KCNIP4: variants seen among roughly 807,000 people sequenced by gnomAD.
KCNIP4 encodes the protein potassium voltage-gated channel interacting protein 4.
Under a neutral mutation model 34.0 loss-of-function variants are expected in KCNIP4, and 12 were observed. The ratio of observed to expected loss-of-function variants is 0.35; its 90% CI spans 0.23 to 0.57. KCNIP4 has a LOEUF of 0.57. Ranked by LOEUF, KCNIP4 falls within the 20% of genes least tolerant of loss-of-function variation. KCNIP4 has a pLI of 0.83. For missense variants in KCNIP4, 238 were observed against 311.7 expected (o/e 0.76, Z 1.78); for synonymous variants, 124 against 102.2 (o/e 1.21, Z -1.29).
intron 1 of KCNIP4, chr4:21,762,918 C>T (rs973867868): frequency 7.8e-7 from 1 of 1,287,918 alleles, no homozygotes; most frequent in Non-Finnish European, 1.0e-6. Context: ...GGGAAGGACT[C>T]ACATGATGAT....
intron 1 of KCNIP4, among the ~76,000 whole-genome samples, chr4:21,881,341 T>C (rs16872028): frequency 0.011 from 1,704 of 152,250 alleles, 30 homozygotes; most frequent in African/African-American, 0.038. Flanking sequence ...AATGTTAATA[T>C]GTTGGATTAT....
intron 1 of KCNIP4, among the ~76,000 whole-genome samples, chr4:21,389,935 C>G (rs971741116): frequency 6.6e-6 from 1 of 150,748 alleles, no homozygotes; most frequent in African/African-American, 2.4e-5. Context: ...AAAAGTGTTT[C>G]TATTTCTCCA....
chr4:21,931,805 T>G (rs972971874), intron 1 of KCNIP4, among the ~76,000 whole-genome samples: 5 of 152,120 alleles, frequency 3.3e-5, no homozygotes, highest in African/African-American at 9.7e-5. Context: ...GTAATGGGAT[T>G]GCTGGGTCAA....
chr4:21,053,638 T>C (rs558132418), intron 1 of KCNIP4, among the ~76,000 whole-genome samples: 1 of 152,282 alleles, frequency 6.6e-6, no homozygotes, highest in East Asian at 1.9e-4. Context: ...TAAAAACAAC[T>C]CCTGGAACTA....
intron 1 of KCNIP4, among the ~76,000 whole-genome samples, chr4:21,760,445 T>C (rs1356667425): frequency 4.5e-5 from 1 of 22,326 alleles, no homozygotes; most frequent in Admixed American, 2.2e-4. Flanking sequence ...TAGATACATG[T>C]TCATGTTTTT....
At chr4:21,649,362 A>T (rs988641237) in intron 1 of KCNIP4, among the ~76,000 whole-genome samples, 1 of 152,224 alleles carries the variant, frequency 6.6e-6, no homozygotes, top group African/African-American at 2.4e-5. Flanking sequence ...ACTCAACAAA[A>T]ACATGCTAAG....
intron 1 of KCNIP4, among the ~76,000 whole-genome samples, chr4:21,155,935 C>A (rs946795866): frequency 6.6e-6 from 1 of 152,122 alleles, no homozygotes; most frequent in Non-Finnish European, 1.5e-5. Context: ...TTCAACAGAA[C>A]AATTCATGCT....
intron 3 of KCNIP4, among the ~76,000 whole-genome samples, chr4:20,846,595 T>A (rs1271934066): frequency 6.6e-6 from 1 of 152,032 alleles, no homozygotes; most frequent in African/African-American, 2.4e-5. Context: ...CTAAACATCA[T>A]CCCAGTTAAC....
intron 1 of KCNIP4, among the ~76,000 whole-genome samples, chr4:21,296,423 G>A (rs1467564819): frequency 6.7e-6 from 1 of 149,560 alleles, no homozygotes; most frequent in African/African-American, 2.5e-5. Flanking sequence ...TTTTTTTGAT[G>A]GAAAGATGAT....
At chr4:21,653,311 G>A (rs1213053952) in intron 1 of KCNIP4, among the ~76,000 whole-genome samples, 2 of 152,028 alleles carry the variant, frequency 1.3e-5, no homozygotes, top group Non-Finnish European at 1.5e-5. Context: ...TCATCTTCAG[G>A]CATCAGCTTT....
At chr4:21,523,752 A>C (rs1735737285) in intron 1 of KCNIP4, among the ~76,000 whole-genome samples, 1 of 151,488 alleles carries the variant, frequency 6.6e-6, no homozygotes, top group Admixed American at 6.6e-5. Flanking sequence ...TTTTATTAAT[A>C]TTTTCAGACA....
intron 1 of KCNIP4, among the ~76,000 whole-genome samples, chr4:20,928,378 T>C (rs1730107675): frequency 1.3e-5 from 2 of 151,108 alleles, no homozygotes; most frequent in African/African-American, 2.4e-5. Context: ...GAATGACCAA[T>C]AAATTAAAGA....
chr4:21,430,967 A>T (rs929137939), intron 1 of KCNIP4, among the ~76,000 whole-genome samples: 2 of 152,148 alleles, frequency 1.3e-5, no homozygotes, highest in Non-Finnish European at 2.9e-5. Context: ...TTACAGAAAA[A>T]CTTCAAACAA....
At chr4:21,746,702 T>C (rs1340094905) in intron 1 of KCNIP4, among the ~76,000 whole-genome samples, 1 of 152,040 alleles carries the variant, frequency 6.6e-6, no homozygotes, top group Non-Finnish European at 1.5e-5. Context: ...TGAACCAATC[T>C]AAGGGCTCAC....
At chr4:21,229,198 C>T (rs979345557) in intron 1 of KCNIP4, among the ~76,000 whole-genome samples, 4 of 152,152 alleles carry the variant, frequency 2.6e-5, no homozygotes, top group South Asian at 4.1e-4. Flanking sequence ...CCCACTCATC[C>T]GTCTTCACAA....
chr4:20,919,469 C>A (rs552094765), intron 1 of KCNIP4, among the ~76,000 whole-genome samples: 1 of 150,984 alleles, frequency 6.6e-6, no homozygotes, highest in African/African-American at 2.4e-5. Context: ...TTCGGGAGGC[C>A]GAGGCGGGCA....
intron 1 of KCNIP4, among the ~76,000 whole-genome samples, chr4:21,099,021 G>A (rs779228604): frequency 5.9e-5 from 9 of 152,196 alleles, no homozygotes; most frequent in Non-Finnish European, 1.3e-4. Flanking sequence ...CTATTGGTGG[G>A]AGTGTAAATT....
At chr4:21,348,650 T>G (rs2109367246) in intron 1 of KCNIP4, among the ~76,000 whole-genome samples, 1 of 152,340 alleles carries the variant, frequency 6.6e-6, no homozygotes, top group East Asian at 1.9e-4. Flanking sequence ...AGAAGCCCAT[T>G]AAGTTATTTA....
At chr4:20,739,796 G>A (rs182100811) in intron 5 of KCNIP4, among the ~76,000 whole-genome samples, 61 of 152,254 alleles carry the variant, frequency 4.0e-4, no homozygotes, top group East Asian at 3.9e-4. Flanking sequence ...AAACTTCTCC[G>A]AACTAAAGGA....
Sources: gnomAD v4.1 joint callset for allele counts (sites outside exome capture counted in the v4.1 genomes callset) on GRCh38, gnomAD v4.1.1 for gene constraint, MANE v1.5 for transcripts, NCBI Gene and HGNC (gene_info 2026-07-23, HGNC 2026-07-21) for gene names.